LDLRAD4: variants seen among roughly 807,000 people sequenced by gnomAD.
LDLRAD4 encodes low density lipoprotein receptor class A domain containing 4, also known as low-density lipoprotein receptor class A domain-containing protein 4.
In LDLRAD4, 5 loss-of-function variants were observed where a neutral mutation model predicts 17.0. The observed-to-expected ratio is 0.29, with a 90% CI of 0.15 to 0.62. LDLRAD4 has a LOEUF of 0.62. Among genes scored for constraint, LDLRAD4 ranks in the 20% least tolerant of loss-of-function variants. The probability of loss-of-function intolerance (pLI) is 0.84; values close to 1 mark genes in which losing one functional copy is unlikely to be tolerated. For synonymous variants in LDLRAD4, 168 were observed against 171.8 expected (o/e 0.98, Z 0.17); for missense variants, 340 against 424.7 (o/e 0.80, Z 1.75).
Position 13,386,733 on chromosome 18 carries a change from T to C in LDLRAD4, c.-382-608T>C, listed in dbSNP as rs76621758. On this transcript the variant is annotated intron_variant, in intron 1 of 5. Transcript: ENST00000359446. ...CTTCCTATTCTCACTAAAAAGTTAATGTGGGCATTTGTTTTCCTTTTAAGA... is the reference window on the plus strand; with the variant it reads ...CTTCCTATTCTCACTAAAAAGTTAACGTGGGCATTTGTTTTCCTTTTAAGA... Among the ~76,000 whole-genome samples the C allele has an allele frequency of 2.7e-3, 418 of 152,314 alleles. 14 individuals are homozygous for C. The East Asian group carries it at 0.062, about 23-fold the overall frequency.
At chr18:13,274,539 G>A (rs986812268), upstream of LDLRAD4, among the ~76,000 whole-genome samples, 3 of 152,172 alleles carry the variant, frequency 2.0e-5, no homozygotes, top group Non-Finnish European at 2.9e-5. Context: ...TGCTGCCTGC[G>A]AGGCTAAGCA....
At chr18:13,612,887 GA>G in intron 3 of LDLRAD4, 1 of 1,296,458 alleles carries the variant, frequency 7.7e-7, no homozygotes. Context: ...TCTTTCTCAA[GA>G]AGTTTCTTTC....
At chr18:13,225,543 T>C (rs1042169324) in intron 1 of LDLRAD4, among the ~76,000 whole-genome samples, 7 of 152,250 alleles carry the variant, frequency 4.6e-5, no homozygotes, top group African/African-American at 1.7e-4. Context: ...CTGTCCACTC[T>C]GTCAACAGCT....
chr18:13,280,554 C>T (rs1170413401), intron 1 of LDLRAD4, among the ~76,000 whole-genome samples: 4 of 152,196 alleles, frequency 2.6e-5, no homozygotes, highest in Non-Finnish European at 4.4e-5. Flanking sequence ...GAATTTCACA[C>T]GGCATCCTGC....
At chr18:13,445,483 G>A (rs1033756068) in intron 3 of LDLRAD4, among the ~76,000 whole-genome samples, 2 of 151,994 alleles carry the variant, frequency 1.3e-5, no homozygotes, top group African/African-American at 4.8e-5. Context: ...GTGTGTGAGG[G>A]TGAGTCTGTG....
intron 1 of LDLRAD4, among the ~76,000 whole-genome samples, chr18:13,265,004 C>G (rs1435433294): frequency 1.3e-5 from 2 of 152,142 alleles, no homozygotes; most frequent in African/African-American, 2.4e-5. Context: ...GCTGAGTTGC[C>G]CAAGCCAGAA....
Position 13,429,659 on chromosome 18 carries a change from T to C in LDLRAD4, c.41-8585T>C, listed in dbSNP as rs2090193971. On this transcript the variant is annotated intron_variant, in intron 2 of 5. Transcript: ENST00000359446. ...GAAGGACTTTTAGAACATAAGACTT[T>C]TAGGTGTGAGAACGCAAAGAGGCTT... Among the ~76,000 whole-genome samples the C allele has an allele frequency of 2.6e-5, 4 of 152,090 alleles. No individual in the cohort carries two copies. The South Asian group carries it at 8.3e-4, about 31-fold the overall frequency.
At chr18:13,499,965 TTCC>T (rs1333011138) in intron 3 of LDLRAD4, among the ~76,000 whole-genome samples, 1 of 152,214 alleles carries the variant, frequency 6.6e-6, no homozygotes, top group Non-Finnish European at 1.5e-5. Flanking sequence ...CTCACTTCCT[TTCC>T]TCCTCCTCTC....
intron 1 of LDLRAD4, among the ~76,000 whole-genome samples, chr18:13,378,688 C>T (rs566955629): frequency 6.6e-6 from 1 of 151,988 alleles, no homozygotes; most frequent in East Asian, 1.9e-4. Context: ...CATTTTTTTC[C>T]TCTTCTACTA....
chr18:13,274,834 G>A (rs1228429184), upstream of LDLRAD4, among the ~76,000 whole-genome samples: 15 of 152,158 alleles, frequency 9.9e-5, no homozygotes, highest in Admixed American at 9.8e-4. Flanking sequence ...TTAAAGTCTT[G>A]ATTAAAATAG....
At position 13,452,743 on chromosome 18, in the gene LDLRAD4, G is replaced by A. The variant is rs990081396; in HGVS notation, c.181+14359G>A. ...TCTCTCCACAATTCCACCAGGTCGC[G>A]TGTTTACTAATTGCTAAGTGCTTTA... is the stretch of plus-strand genomic sequence containing the variant. On this transcript the variant is annotated intron_variant, in intron 3 of 5. Transcript: ENST00000359446. Among the ~76,000 whole-genome samples the A allele has an allele frequency of 4.6e-5, 7 of 152,314 alleles. 1 individual carries two copies. The highest frequency in any genetic ancestry group is 5.9e-5 in the Non-Finnish European group (4 of 68,024).
chr18:13,253,966 C>T (rs894596801), intron 1 of LDLRAD4, among the ~76,000 whole-genome samples: 1 of 152,270 alleles, frequency 6.6e-6, no homozygotes, highest in African/African-American at 2.4e-5. Flanking sequence ...GCAGAAGGCC[C>T]TGTGCTTGGG....
intron 1 of LDLRAD4, among the ~76,000 whole-genome samples, chr18:13,221,986 T>C (rs1358442693): frequency 1.3e-5 from 2 of 152,220 alleles, no homozygotes; most frequent in Admixed American, 1.3e-4. Context: ...GGTTAATATA[T>C]TGGCATTCCC....
At chr18:13,488,792 C>T (rs770468547) in intron 3 of LDLRAD4, 2 of 152,242 alleles carry the variant, frequency 1.3e-5, no homozygotes, top group Non-Finnish European at 2.9e-5. Flanking sequence ...CCAGACCAGA[C>T]TCCCCAGAGC....
chr18:13,500,747 T>G (rs972674278), intron 3 of LDLRAD4: 1 of 152,094 alleles, frequency 6.6e-6, no homozygotes, highest in Non-Finnish European at 1.5e-5. Flanking sequence ...TAAGATGATA[T>G]GCCACAACAC....
At chr18:13,366,627 T>G (rs1051340453) in intron 1 of LDLRAD4, among the ~76,000 whole-genome samples, 15 of 152,232 alleles carry the variant, frequency 9.9e-5, no homozygotes, top group African/African-American at 3.6e-4. Flanking sequence ...ATATGAAGGT[T>G]GTTTCATCTT....
chr18:13,248,198 T>C (rs1424177673), intron 1 of LDLRAD4, among the ~76,000 whole-genome samples: 6 of 152,220 alleles, frequency 3.9e-5, no homozygotes, highest in Admixed American at 3.9e-4. Flanking sequence ...CCTGACCTCG[T>C]GATCCGCCTG....
chr18:13,262,160 G>GTGCGGCCCTGTGCA, intron 1 of LDLRAD4, among the ~76,000 whole-genome samples: 1 of 139,278 alleles, frequency 7.2e-6, no homozygotes, highest in South Asian at 2.4e-4. Context: ...GGCTCTGTGC[G>GTGCGGCCCTGTGCA]TGGGGGCTGA....
At chr18:13,313,826 G>A (rs938635936) in intron 1 of LDLRAD4, among the ~76,000 whole-genome samples, 2 of 152,164 alleles carry the variant, frequency 1.3e-5, no homozygotes, top group African/African-American at 4.8e-5. Flanking sequence ...CCGTGTGCGG[G>A]GGGGTGCCCA....
Sources: allele counts gnomAD v4.1 joint callset (sites outside exome capture counted in the v4.1 genomes callset), GRCh38; gene constraint gnomAD v4.1.1; transcripts MANE v1.5; gene names NCBI Gene and HGNC (gene_info 2026-07-23, HGNC 2026-07-21).